DCHS2: variants seen among roughly 807,000 people sequenced by gnomAD.
DCHS2 encodes protocadherin-23.
DCHS2 carries 142 observed loss-of-function variants against 182.4 expected under a neutral mutation model. The observed-to-expected ratio is 0.78, with a 90% CI of 0.68 to 0.89. The LOEUF is 0.89. Ranked by LOEUF, DCHS2 falls within the 40% of genes least tolerant of loss-of-function variation. The probability of loss-of-function intolerance (pLI) is 0.00; values close to 1 mark genes in which losing one functional copy is unlikely to be tolerated. For missense variants in DCHS2, 4,319 were observed against 4,198.6 expected, an observed-to-expected ratio of 1.03 and a Z score of -0.79; for synonymous variants, 1,740 against 1,663.3, an observed-to-expected ratio of 1.05 and a Z score of -1.12.
intron 5 of DCHS2, among the ~76,000 whole-genome samples, chr4:154,330,795 T>C (rs748402445): frequency 6.6e-6 from 1 of 152,252 alleles, no homozygotes; most frequent in African/African-American, 2.4e-5. Context: ...ATATAAACTA[T>C]ATTTATAGTG....
chr4:154,382,792 A>G (rs1055267141), intron 1 of DCHS2, among the ~76,000 whole-genome samples: 1 of 152,178 alleles, frequency 6.6e-6, no homozygotes, highest in African/African-American at 2.4e-5. Context: ...CAATACCACA[A>G]TGAGATGTCA....
intron 3 of DCHS2, 60 bp from the exon 4 acceptor site, chr4:154,335,164 A>G: frequency 9.3e-7 from 1 of 1,073,230 alleles, no homozygotes. Flanking sequence ...CTGATGAGCA[A>G]TAGTAACACC....
intron 3 of DCHS2, among the ~76,000 whole-genome samples, chr4:154,350,059 A>C (rs906874194): frequency 6.6e-6 from 1 of 152,234 alleles, no homozygotes. Context: ...GATAGAAATC[A>C]TGAAACTTCT....
chr4:154,358,898 A>G (rs1729990844), intron 3 of DCHS2, among the ~76,000 whole-genome samples: 1 of 151,750 alleles, frequency 6.6e-6, no homozygotes, highest in South Asian at 2.1e-4. Context: ...ATTGTTTACT[A>G]TATATAAATA....
At chr4:154,462,751 A>G (rs1735063399) in intron 1 of DCHS2, among the ~76,000 whole-genome samples, 1 of 152,172 alleles carries the variant, frequency 6.6e-6, no homozygotes, top group Non-Finnish European at 1.5e-5. Context: ...ACATTATCTA[A>G]TAGATTTAAA....
At chr4:154,338,803 T>C (rs1402704760) in intron 3 of DCHS2, among the ~76,000 whole-genome samples, 1 of 152,090 alleles carries the variant, frequency 6.6e-6, no homozygotes, top group Non-Finnish European at 1.5e-5. Flanking sequence ...CACACTACAT[T>C]TTATGTGAAA....
chr4:154,491,026 G>C lies in DCHS2; in HGVS notation c.330C>G (p.Ser110=). 2 of 1,551,016 alleles carry C rather than the reference G, an allele frequency of 1.3e-6. No homozygotes were observed. The highest frequency in any genetic ancestry group is 1.7e-6 in the Non-Finnish European group (2 of 1,146,750). ...GFFLSEDSDD[S]PLLDDFHVHP... The stretch of plus-strand genomic sequence containing the variant: ...GCACGTGGAAGTCGTCCAGCAGCGG[G>C]GAGTCATCGGAGTCCTCCGACAGAA... The change falls in exon 1 of 20, where the codon TCC becomes TCG. Residue 110 remains serine (S), a synonymous_variant. Coordinates refer to ENST00000357232, the MANE Select transcript of DCHS2 (RefSeq NM_001358235.2).
At chr4:154,324,015 A>G (rs1283555295) in intron 7 of DCHS2, among the ~76,000 whole-genome samples, 1 of 152,240 alleles carries the variant, frequency 6.6e-6, no homozygotes, top group African/African-American at 2.4e-5. Flanking sequence ...CTTTCAGAGG[A>G]GTTCATTATA....
chr4:154,356,872 A>G (rs1460631749), intron 3 of DCHS2, among the ~76,000 whole-genome samples: 1 of 152,128 alleles, frequency 6.6e-6, no homozygotes, highest in Non-Finnish European at 1.5e-5. Context: ...ATTAAATATA[A>G]AGGACCACAT....
At chr4:154,401,372 G>T (rs1047890639) in intron 1 of DCHS2, among the ~76,000 whole-genome samples, 3 of 151,942 alleles carry the variant, frequency 2.0e-5, no homozygotes, top group African/African-American at 7.3e-5. Context: ...TTTCATTTTG[G>T]GGGGGTAAAA....
rs184212531 is a variant in DCHS2 at position 154,249,270 on chromosome 4, A to C, written c.6941+6249T>G. On this transcript the variant is annotated intron_variant, in intron 16 of 19. Coordinates refer to ENST00000357232, the MANE Select transcript of DCHS2 (RefSeq NM_001358235.2). ...CAAATAATCCCATTAAAAATTGGGCAAAGGACATGAACAGACACTTTTCAA... is the reference window on the plus strand; with the variant it reads ...CAAATAATCCCATTAAAAATTGGGCCAAGGACATGAACAGACACTTTTCAA... Among the ~76,000 whole-genome samples, 23 of 152,288 alleles carry C rather than the reference A, an allele frequency of 1.5e-4. No homozygotes were observed. The East Asian group carries it at 4.1e-3, about 27-fold the overall frequency.
chr4:154,324,911 C>T (rs1046956743), intron 7 of DCHS2, among the ~76,000 whole-genome samples: 1 of 152,118 alleles, frequency 6.6e-6, no homozygotes, highest in Non-Finnish European at 1.5e-5. Flanking sequence ...CAATTTTCAT[C>T]TCATTATTTT....
chr4:154,251,302 C>A (rs565919114), intron 16 of DCHS2, among the ~76,000 whole-genome samples: 1 of 152,322 alleles, frequency 6.6e-6, no homozygotes, highest in South Asian at 2.1e-4. Context: ...ATAAGCCCTG[C>A]AATCATTCAC....
At chr4:154,448,806 C>T (rs533493375) in intron 1 of DCHS2, among the ~76,000 whole-genome samples, 1 of 152,320 alleles carries the variant, frequency 6.6e-6, no homozygotes, top group East Asian at 1.9e-4. Context: ...TTTCTACTCA[C>T]CCTTCATACT....
intron 10 of DCHS2, among the ~76,000 whole-genome samples, chr4:154,311,622 T>C (rs920124416): frequency 6.6e-6 from 1 of 152,154 alleles, no homozygotes; most frequent in Non-Finnish European, 1.5e-5. Flanking sequence ...GCCTGGTTGA[T>C]TGAATAAAGG....
At chr4:154,484,702 T>A (rs567775754) in intron 1 of DCHS2, among the ~76,000 whole-genome samples, 92 of 152,370 alleles carry the variant, frequency 6.0e-4, no homozygotes, top group Admixed American at 9.8e-4. Flanking sequence ...TATGAAAATA[T>A]AAATTACTTC....
intron 6 of DCHS2, among the ~76,000 whole-genome samples, chr4:154,328,664 G>T (rs1263644377): frequency 1.3e-5 from 2 of 152,174 alleles, no homozygotes; most frequent in African/African-American, 4.8e-5. Context: ...CACATGTGAA[G>T]TTCAACTACA....
chr4:154,357,960 C>T (rs923442114), intron 3 of DCHS2, among the ~76,000 whole-genome samples: 1 of 152,120 alleles, frequency 6.6e-6, no homozygotes, highest in Admixed American at 6.5e-5. Context: ...CTACAGTTAG[C>T]CAGCAGACTG....
intron 16 of DCHS2, among the ~76,000 whole-genome samples, chr4:154,243,971 C>G (rs1016666074): frequency 6.6e-6 from 1 of 152,202 alleles, no homozygotes; most frequent in African/African-American, 2.4e-5. Flanking sequence ...AACCCCTGAA[C>G]ATGTTCACAT....
Sources: gnomAD v4.1 joint callset for allele counts (sites outside exome capture counted in the v4.1 genomes callset) on GRCh38, gnomAD v4.1.1 for gene constraint, MANE v1.5 for transcripts, NCBI Gene and HGNC (gene_info 2026-07-23, HGNC 2026-07-21) for gene names.